The following LCA5 variants were observed in gnomAD, a reference collection of about 807,000 sequenced individuals.
The protein encoded by LCA5 is lebercilin.
LCA5 carries 37 observed loss-of-function variants against 53.0 expected under a neutral mutation model. That is an observed-to-expected ratio of 0.70 (90% CI 0.54 to 0.92). LCA5 has a LOEUF of 0.92. Among genes scored for constraint, LCA5 ranks in the 40% least tolerant of loss-of-function variants. The probability of loss-of-function intolerance (pLI) is 0.00; values close to 1 mark genes in which losing one functional copy is unlikely to be tolerated. For missense variants in LCA5, 806 were observed against 790.5 expected (o/e 1.02, Z -0.23); for synonymous variants, 303 against 282.9 (o/e 1.07, Z -0.71).
At chr6:79,499,920 C>T (rs1582625943) in intron 3 of LCA5, among the ~76,000 whole-genome samples, 2 of 145,254 alleles carry the variant, frequency 1.4e-5, no homozygotes, top group South Asian at 4.6e-4. Flanking sequence ...TTGTTCAATT[C>T]CCACCTATGA....
At chr6:79,505,924 G>C (rs533460995) in intron 3 of LCA5, among the ~76,000 whole-genome samples, 30 of 152,142 alleles carry the variant, frequency 2.0e-4, no homozygotes, top group African/African-American at 7.0e-4. Context: ...AGATAAACTA[G>C]GAAGAGTAAA....
At chr6:79,491,524 G>A (rs1454905359) in intron 6 of LCA5, 64 bp downstream of exon 6, 4 of 1,540,706 alleles carry the variant, frequency 2.6e-6, no homozygotes, top group Non-Finnish European at 3.6e-6. Context: ...TAAAATGTCT[G>A]ATATTGTGTT....
intron 2 of LCA5, 128 bp downstream of exon 2, chr6:79,518,577 G>A (rs1306732513): frequency 1.7e-5 from 14 of 828,592 alleles, no homozygotes; most frequent in African/African-American, 3.4e-5. Context: ...CCTATAAAAC[G>A]TAAATCAGCC....
intron 1 of LCA5, among the ~76,000 whole-genome samples, chr6:79,524,800 T>C (rs1294661272): frequency 2.6e-5 from 4 of 152,158 alleles, no homozygotes; most frequent in Non-Finnish European, 4.4e-5. Flanking sequence ...TGAGCCTTTT[T>C]TGTTGTGTTG....
chr6:79,523,113 TGATA>T (rs1766675020), intron 1 of LCA5, among the ~76,000 whole-genome samples: 1 of 152,184 alleles, frequency 6.6e-6, no homozygotes, highest in African/African-American at 2.4e-5. Flanking sequence ...TGTATTTGTT[TGATA>T]TTTTCTTTAG....
At chr6:79,521,387 T>G (rs62411357) in intron 1 of LCA5, among the ~76,000 whole-genome samples, 3,866 of 152,314 alleles carry the variant, frequency 0.025, 60 homozygotes, top group Middle Eastern at 0.071. Flanking sequence ...CACAATAACT[T>G]GACTTTATAT....
intron 1 of LCA5, among the ~76,000 whole-genome samples, chr6:79,526,505 C>T (rs1484210705): frequency 2.0e-5 from 3 of 152,172 alleles, no homozygotes; most frequent in Non-Finnish European, 2.9e-5. Context: ...GATCACGTCA[C>T]TGCACTCCAG....
Position 79,513,441 on chromosome 6 carries a change from T to G in LCA5, c.491A>C (p.His164Pro). The change falls in exon 3 of 8, where the codon CAT becomes CCT. Residue 164 changes from histidine (H) to proline (P), a missense_variant. Transcript: ENST00000369846. ...ENEISQLIFR[H>P]NNEITALKER... Reference sequence around the variant, plus strand: ...TTTGAGTGCTGTAATCTCATTGTTATGACGAAATATAAGTTGTGAGATTTC... The same window carrying G: ...TTTGAGTGCTGTAATCTCATTGTTAGGACGAAATATAAGTTGTGAGATTTC... The G allele has an allele frequency of 1.2e-6, 2 of 1,613,974 alleles. No individual in the cohort carries two copies. The highest frequency in any genetic ancestry group is 1.7e-6 in the Non-Finnish European group (2 of 1,179,912).
At chr6:79,531,026 C>T (rs912111613) in intron 1 of LCA5, among the ~76,000 whole-genome samples, 1 of 152,096 alleles carries the variant, frequency 6.6e-6, no homozygotes, top group Non-Finnish European at 1.5e-5. Flanking sequence ...TCAAGTCTTT[C>T]CTTTGCAAAG....
chr6:79,530,393 A>G (rs1766922922), intron 1 of LCA5, among the ~76,000 whole-genome samples: 1 of 152,138 alleles, frequency 6.6e-6, no homozygotes, highest in East Asian at 1.9e-4. Context: ...GATTAGGAAA[A>G]ATAACGAATA....
intron 3 of LCA5, among the ~76,000 whole-genome samples, chr6:79,503,585 T>A (rs1770198949): frequency 6.6e-6 from 1 of 152,218 alleles, no homozygotes. Context: ...TTCATGTACT[T>A]TTAGTATATT....
chr6:79,521,080 AT>A (rs1766611107), intron 1 of LCA5, among the ~76,000 whole-genome samples: 1 of 152,148 alleles, frequency 6.6e-6, no homozygotes, highest in East Asian at 1.9e-4. Context: ...TGAAGAACTA[AT>A]TTTTAATTTT....
chr6:79,513,034 C>T (rs1766284661), intron 3 of LCA5, 178 bp downstream of exon 3: 2 of 656,402 alleles, frequency 3.0e-6, no homozygotes, highest in Non-Finnish European at 5.4e-6. Context: ...CATTAATGTA[C>T]ACAATCTTTT....
intron 1 of LCA5, among the ~76,000 whole-genome samples, chr6:79,522,772 G>A (rs1562111038): frequency 6.6e-6 from 1 of 152,026 alleles, no homozygotes; most frequent in Non-Finnish European, 1.5e-5. Context: ...CTGCAACCTT[G>A]AACTCCTGGG....
intron 3 of LCA5, among the ~76,000 whole-genome samples, chr6:79,502,347 T>C (rs117085077): frequency 3.9e-5 from 6 of 152,340 alleles, no homozygotes; most frequent in Admixed American, 6.5e-5. Context: ...AATCCAATAG[T>C]TATGCTTCCT....
At chr6:79,529,668 G>T (rs938693516) in intron 1 of LCA5, among the ~76,000 whole-genome samples, 16 of 151,852 alleles carry the variant, frequency 1.1e-4, no homozygotes, top group Non-Finnish European at 1.8e-4. Context: ...TGTTTATTGC[G>T]GCACTACTCA....
upstream of LCA5, among the ~76,000 whole-genome samples, chr6:79,538,018 GTTTTTTTTTTTTTTTT>G (rs869197362): frequency 8.4e-4 from 37 of 44,164 alleles, 1 homozygote; most frequent in East Asian, 1.6e-3. Flanking sequence ...TTGCACACAA[GTTTTTTTTTTTTTTTT>G]TTTTTTTTTT....
At chr6:79,490,041 C>T (rs1769794360) in intron 6 of LCA5, among the ~76,000 whole-genome samples, 1 of 152,076 alleles carries the variant, frequency 6.6e-6, no homozygotes, top group Non-Finnish European at 1.5e-5. Flanking sequence ...GGGCTACACT[C>T]TTTAAAATGG....
chr6:79,526,824 C>T (rs990639257), intron 1 of LCA5, among the ~76,000 whole-genome samples: 1 of 152,090 alleles, frequency 6.6e-6, no homozygotes, highest in Non-Finnish European at 1.5e-5. Flanking sequence ...ATTAGAACAG[C>T]CCCAGGAAAA....
Sources: allele counts gnomAD v4.1 joint callset (sites outside exome capture counted in the v4.1 genomes callset), GRCh38; gene constraint gnomAD v4.1.1; transcripts MANE v1.5; gene names NCBI Gene and HGNC (gene_info 2026-07-23, HGNC 2026-07-21).